BARD1: variants seen among roughly 807,000 people sequenced by gnomAD.
BARD1 encodes the protein BRCA1 associated RING domain 1.
A neutral mutation model predicts 77.0 loss-of-function variants in BARD1; 73 were observed. The observed-to-expected ratio is 0.95, with a 90% CI of 0.79 to 1.15. The LOEUF is 1.15. Among genes scored for constraint, BARD1 ranks in the 50% most tolerant of loss-of-function variants. The pLI, the probability that BARD1 is intolerant of heterozygous loss-of-function variation, is 0.00. For synonymous variants in BARD1, 384 were observed against 338.0 expected, an observed-to-expected ratio of 1.14 and a Z score of -1.49; for missense variants, 993 against 938.8, an observed-to-expected ratio of 1.06 and a Z score of -0.75.
chr2:214,796,364 G>A (rs1256744836), intron 2 of BARD1, among the ~76,000 whole-genome samples: 4 of 152,160 alleles, frequency 2.6e-5, no homozygotes, highest in African/African-American at 4.8e-5. Flanking sequence ...GGCTCTAGAC[G>A]ATCAAGTTAA....
intron 3 of BARD1, among the ~76,000 whole-genome samples, chr2:214,791,405 C>G (rs1436883216): frequency 6.6e-6 from 1 of 152,150 alleles, no homozygotes; most frequent in East Asian, 1.9e-4. Flanking sequence ...TTTATATGAG[C>G]ATTATCAATC....
chr2:214,774,028 C>T (rs1694632462), intron 4 of BARD1, among the ~76,000 whole-genome samples: 1 of 152,154 alleles, frequency 6.6e-6, no homozygotes, highest in Non-Finnish European at 1.5e-5. Context: ...CTGCAGAAAC[C>T]ACTTTCTTTC....
chr2:214,774,611 T>C (rs1042777915), intron 4 of BARD1, among the ~76,000 whole-genome samples: 2 of 152,222 alleles, frequency 1.3e-5, no homozygotes, highest in African/African-American at 4.8e-5. Context: ...TTGTTCTAAA[T>C]GGTAAATGAG....
chr2:214,794,783 C>G (rs1303779479), intron 2 of BARD1, among the ~76,000 whole-genome samples: 3 of 152,172 alleles, frequency 2.0e-5, no homozygotes, highest in African/African-American at 7.2e-5. Context: ...CATTGCTGAG[C>G]AGTTTTAACT....
chr2:214,748,739 AGCT>A (rs908174591), intron 7 of BARD1, among the ~76,000 whole-genome samples: 1 of 152,020 alleles, frequency 6.6e-6, no homozygotes, highest in African/African-American at 2.4e-5. Flanking sequence ...GGAAGCAGTG[AGCT>A]GCTTCCCTAA....
At chr2:214,740,871 A>G (rs997236812) in intron 9 of BARD1, among the ~76,000 whole-genome samples, 2 of 151,992 alleles carry the variant, frequency 1.3e-5, no homozygotes, top group African/African-American at 4.8e-5. Context: ...GTCAGCATAA[A>G]GTTGCCTAAT....
chr2:214,749,054 A>G (rs1185449482), intron 7 of BARD1, among the ~76,000 whole-genome samples: 1 of 152,126 alleles, frequency 6.6e-6, no homozygotes, highest in African/African-American at 2.4e-5. Context: ...ACACCAGGGG[A>G]AGGGGGTTAG....
At position 214,771,943 on chromosome 2, in the gene BARD1, A is replaced by AAAAAAAAAAAAAAAAG. The variant is rs59814038; in HGVS notation, c.1315-2632_1315-2631insCTTTTTTTTTTTTTTT. Among the ~76,000 whole-genome samples the AAAAAAAAAAAAAAAAG allele has an allele frequency of 1.9e-3, 279 of 143,338 alleles. 9 individuals carry two copies. Among genetic ancestry groups the AAAAAAAAAAAAAAAAG allele is most frequent in the African/African-American group, 7.3e-3 (267 of 36,768 alleles). 94.0% of individuals were successfully genotyped at this position (143,338 alleles called of 152,430 possible). The stretch of plus-strand genomic sequence containing the variant: ...TTTCAGGAAAAAAAAAAAAAAAAAA[A>AAAAAAAAAAAAAAAAG]GCAACATTTTCCCAGATTTCTTAAC... On this transcript the variant is annotated intron_variant, in intron 4 of 10. Transcript: ENST00000260947.
Position 214,727,466 on chromosome 2 carries a change from T to C in BARD1, c.*1210A>G, listed in dbSNP as rs954352901. 1 of 231,920 alleles carries C rather than the reference T, an allele frequency of 4.3e-6. No homozygotes were observed. The highest frequency in any genetic ancestry group is 2.2e-5 in the African/African-American group (1 of 45,296). The allele number at this position is 231,920 out of a possible 1,614,324, so 14.4% of individuals were successfully genotyped here. On this transcript the variant is annotated 3_prime_UTR_variant, in exon 11 of 11. Coordinates refer to ENST00000260947, the MANE Select transcript of BARD1 (RefSeq NM_000465.4). ...AGTATATTCAATGTCTAGGAAGGAA[T>C]TATTAAAGAATTCTGCTTCTTAAAA...
intron 3 of BARD1, among the ~76,000 whole-genome samples, chr2:214,788,360 GT>G (rs1695368677): frequency 6.6e-6 from 1 of 151,954 alleles, no homozygotes; most frequent in Non-Finnish European, 1.5e-5. Flanking sequence ...ATAAATGGTT[GT>G]CAGCAAAATT....
At chr2:214,767,982 A>C (rs1239440902) in intron 5 of BARD1, among the ~76,000 whole-genome samples, 1 of 151,838 alleles carries the variant, frequency 6.6e-6, no homozygotes, top group East Asian at 1.9e-4. Context: ...ACATTAAGAA[A>C]AAAGTCTACA....
At chr2:214,752,159 TCCTA>T (rs1242476901) in intron 7 of BARD1, among the ~76,000 whole-genome samples, 1 of 152,222 alleles carries the variant, frequency 6.6e-6, no homozygotes, top group African/African-American at 2.4e-5. Flanking sequence ...TTTGTCTCTT[TCCTA>T]CCTCTCACCA....
At chr2:214,762,170 C>A (rs1693995188) in intron 6 of BARD1, among the ~76,000 whole-genome samples, 1 of 152,234 alleles carries the variant, frequency 6.6e-6, no homozygotes, top group East Asian at 1.9e-4. Flanking sequence ...ACTTAAAAAA[C>A]CATTTTAATG....
intron 6 of BARD1, among the ~76,000 whole-genome samples, chr2:214,755,594 C>T (rs1165416228): frequency 6.6e-6 from 1 of 152,114 alleles, no homozygotes; most frequent in Non-Finnish European, 1.5e-5. Context: ...GCCTTGATCC[C>T]AGGACTAGAA....
At position 214,788,988 on chromosome 2, in the gene BARD1, G is replaced by C. The variant is rs116686597; in HGVS notation, c.364+3309C>G. 9.5e-3 allele frequency among the ~76,000 whole-genome samples: 1,446 copies of C among 152,150 alleles called. 9 individuals are homozygous for C. Among genetic ancestry groups the C allele is most frequent in the Non-Finnish European group, 0.015 (991 of 67,960 alleles). On this transcript the variant is annotated intron_variant, in intron 3 of 10. Coordinates refer to ENST00000260947, the MANE Select transcript of BARD1 (RefSeq NM_000465.4). ...GGCTAGTTTGTTTTGGGAAGAATTT[G>C]GGATGAAAAGTTGGGGGTCTATACA...
chr2:214,797,829 G>A (rs527648351), intron 1 of BARD1, among the ~76,000 whole-genome samples: 63 of 152,304 alleles, frequency 4.1e-4, no homozygotes, highest in African/African-American at 1.5e-3. Flanking sequence ...TGTGTCTGCA[G>A]ATAGAATGAA....
At chr2:214,751,139 ATATATATATATATTTTTT>A (rs1693416366) in intron 7 of BARD1, among the ~76,000 whole-genome samples, 8 of 19,106 alleles carry the variant, frequency 4.2e-4, no homozygotes, top group African/African-American at 8.1e-4. Flanking sequence ...ATATATATAT[ATATATATATATATTTTTT>A]TTTTTTTTTT....
chr2:214,756,348 G>A (rs1362873892), intron 6 of BARD1, among the ~76,000 whole-genome samples: 2 of 152,196 alleles, frequency 1.3e-5, no homozygotes, highest in African/African-American at 2.4e-5. Context: ...TGGCATAGAT[G>A]TGGTAAACAG....
intron 6 of BARD1, among the ~76,000 whole-genome samples, chr2:214,764,718 T>G (rs1432851779): frequency 6.6e-6 from 1 of 152,174 alleles, no homozygotes; most frequent in Non-Finnish European, 1.5e-5. Context: ...GCCAGACTCG[T>G]GTTCTTCTGC....
Sources: allele counts gnomAD v4.1 joint callset (sites outside exome capture counted in the v4.1 genomes callset), GRCh38; gene constraint gnomAD v4.1.1; transcripts MANE v1.5; gene names NCBI Gene and HGNC (gene_info 2026-07-23, HGNC 2026-07-21).